Variants in GPC6 observed in about 807,000 individuals in gnomAD.
GPC6 encodes glypican 6.
GPC6 carries 14 observed loss-of-function variants against 55.2 expected under a neutral mutation model. The observed-to-expected ratio is 0.25, with a 90% confidence interval of 0.17 to 0.40. The LOEUF (loss-of-function observed/expected upper bound fraction) is 0.40. Among genes scored for constraint, GPC6 ranks in the 10% least tolerant of loss-of-function variants. The pLI, the probability that GPC6 is intolerant of heterozygous loss-of-function variation, is 1.00. For missense variants in GPC6, 641 were observed against 708.5 expected, an observed-to-expected ratio of 0.90 and a Z score of 1.08; for synonymous variants, 278 against 259.6, an observed-to-expected ratio of 1.07 and a Z score of -0.68.
intron 4 of GPC6, among the ~76,000 whole-genome samples, chr13:94,191,790 T>A (rs1889404027): frequency 6.6e-6 from 1 of 152,152 alleles, no homozygotes; most frequent in African/African-American, 2.4e-5. Context: ...AGATGTTCAA[T>A]TTCATCTCCA....
At chr13:93,599,083 T>C (rs928979583) in intron 2 of GPC6, among the ~76,000 whole-genome samples, 22 of 152,170 alleles carry the variant, frequency 1.4e-4, no homozygotes, top group African/African-American at 5.3e-4. Context: ...TGAGAACATA[T>C]AAGGTTAAAC....
At chr13:94,128,874 A>AT (rs1348351436) in intron 4 of GPC6, among the ~76,000 whole-genome samples, 2 of 152,110 alleles carry the variant, frequency 1.3e-5, no homozygotes, top group Non-Finnish European at 2.9e-5. Flanking sequence ...ATGATCATTT[A>AT]TTTTAGATCC....
At chr13:94,324,311 T>TAAA (rs76342753) in intron 6 of GPC6, among the ~76,000 whole-genome samples, 10 of 107,244 alleles carry the variant, frequency 9.3e-5, no homozygotes, top group East Asian at 2.4e-4. Context: ...ATGAAAGCCT[T>TAAA]AAAAAAAAAA....
intron 1 of GPC6, among the ~76,000 whole-genome samples, chr13:93,248,889 C>T (rs1260633200): frequency 1.3e-5 from 2 of 152,216 alleles, no homozygotes; most frequent in East Asian, 3.8e-4. Flanking sequence ...CAAATTGCTC[C>T]ATGGCTTTCA....
chr13:94,011,351 A>G (rs954666091), intron 3 of GPC6, among the ~76,000 whole-genome samples: 1 of 152,158 alleles, frequency 6.6e-6, no homozygotes, highest in Non-Finnish European at 1.5e-5. Context: ...TCAAGCAACC[A>G]TGCATTATTT....
chr13:94,150,146 G>T, intron 4 of GPC6, among the ~76,000 whole-genome samples: 1 of 152,130 alleles, frequency 6.6e-6, no homozygotes, highest in Non-Finnish European at 1.5e-5. Flanking sequence ...AGTATTAAAG[G>T]CGGATGCATC....
At chr13:93,582,318 GA>G (rs1876977451) in intron 2 of GPC6, among the ~76,000 whole-genome samples, 1 of 152,152 alleles carries the variant, frequency 6.6e-6, no homozygotes. Context: ...AAAATTGGAA[GA>G]AAGAAAAAGC....
At chr13:94,039,149 T>C (rs1419332660) in intron 4 of GPC6, among the ~76,000 whole-genome samples, 1 of 151,984 alleles carries the variant, frequency 6.6e-6, no homozygotes, top group Admixed American at 6.6e-5. Flanking sequence ...ATAGACTTAC[T>C]TGCTGTTGTG....
At chr13:94,170,174 G>C (rs1011450458) in intron 4 of GPC6, among the ~76,000 whole-genome samples, 2 of 152,168 alleles carry the variant, frequency 1.3e-5, no homozygotes, top group East Asian at 3.9e-4. Flanking sequence ...TCCTCAACCA[G>C]AAAGCAACAC....
intron 1 of GPC6, among the ~76,000 whole-genome samples, chr13:93,544,976 A>T (rs1159283991): frequency 6.6e-6 from 1 of 152,190 alleles, no homozygotes; most frequent in South Asian, 2.1e-4. Flanking sequence ...TACTTGATGT[A>T]TTAAAAATAA....
At position 93,363,953 on chromosome 13, in the gene GPC6, A is replaced by T. The variant is rs1183466246; in HGVS notation, c.160+136337A>T. On this transcript the variant is annotated intron_variant, in intron 1 of 8. Transcript: ENST00000377047. ...GTCTTCTTTTGAGAAGTGTCTGTTC[A>T]TGTCCTTCACCCACTTTTTGATGGG... Among the ~76,000 whole-genome samples, 10 of 151,960 alleles carry T rather than the reference A, an allele frequency of 6.6e-5. No individual in the cohort carries two copies. In the East Asian group the frequency reaches 1.8e-3, roughly 27 times the overall value.
chr13:93,874,708 G>T lies in GPC6; in HGVS notation c.711+44163G>T, dbSNP rs150097870. Among the ~76,000 whole-genome samples the T allele has an allele frequency of 5.7e-4, 86 of 151,302 alleles. No individual in the cohort carries two copies. The East Asian group carries it at 0.011, about 19-fold the overall frequency. ...TAGGTCTCATGGACACACTAAACTT[G>T]CTCCTGACACAAGCTCTTGTCCTTG... On this transcript the variant is annotated intron_variant, in intron 3 of 8. Transcript: ENST00000377047.
intron 3 of GPC6, among the ~76,000 whole-genome samples, chr13:93,993,669 T>C (rs1881414374): frequency 6.6e-6 from 1 of 152,182 alleles, no homozygotes; most frequent in South Asian, 2.1e-4. Context: ...TCTACTGAAA[T>C]TTCTGGTTCA....
intron 3 of GPC6, among the ~76,000 whole-genome samples, chr13:93,882,659 C>A (rs922456394): frequency 3.3e-5 from 5 of 151,722 alleles, no homozygotes; most frequent in African/African-American, 1.2e-4. Context: ...TAAATACCAC[C>A]CCAGTTTCAA....
At chr13:93,958,259 T>A (rs1412878591) in intron 3 of GPC6, among the ~76,000 whole-genome samples, 1 of 152,174 alleles carries the variant, frequency 6.6e-6, no homozygotes, top group Admixed American at 6.5e-5. Context: ...TTGCAATTGC[T>A]TTGGGGGACT....
chr13:94,274,420 A>G (rs971075250), intron 4 of GPC6, among the ~76,000 whole-genome samples: 1 of 152,012 alleles, frequency 6.6e-6, no homozygotes, highest in Non-Finnish European at 1.5e-5. Context: ...TTTATTTTTG[A>G]ATCTGATATC....
intron 2 of GPC6, among the ~76,000 whole-genome samples, chr13:93,800,424 G>T (rs1270727713): frequency 3.9e-5 from 6 of 152,086 alleles, no homozygotes; most frequent in Non-Finnish European, 4.4e-5. Context: ...GAAGATTTTT[G>T]AGGAAACAGC....
At chr13:93,865,481 A>T (rs768233914) in intron 3 of GPC6, among the ~76,000 whole-genome samples, 4 of 151,660 alleles carry the variant, frequency 2.6e-5, no homozygotes, top group Non-Finnish European at 5.9e-5. Flanking sequence ...GGCTTTCCAG[A>T]TATCTCACTG....
chr13:94,065,075 A>T (rs934777132), intron 4 of GPC6, among the ~76,000 whole-genome samples: 2 of 151,862 alleles, frequency 1.3e-5, no homozygotes, highest in African/African-American at 4.9e-5. Context: ...TAGAAATATG[A>T]CAACTTTTGA....
Sources: gnomAD v4.1 joint callset for allele counts (sites outside exome capture counted in the v4.1 genomes callset) on GRCh38, gnomAD v4.1.1 for gene constraint, MANE v1.5 for transcripts, NCBI Gene and HGNC (gene_info 2026-07-23, HGNC 2026-07-21) for gene names.